Variants in PRDM6 observed in about 807,000 individuals in gnomAD.
PRDM6 encodes the protein putative histone-lysine N-methyltransferase PRDM6.
Under a neutral mutation model 60.8 loss-of-function variants are expected in PRDM6, and 25 were observed. That is an observed-to-expected ratio of 0.41 (90% CI 0.30 to 0.57). The LOEUF (loss-of-function observed/expected upper bound fraction) is 0.57. Ranked by LOEUF, PRDM6 falls within the 20% of genes least tolerant of loss-of-function variation. The pLI, the probability that PRDM6 is intolerant of heterozygous loss-of-function variation, is 0.27. For missense variants in PRDM6, 839 were observed against 821.3 expected (o/e 1.02, Z -0.26); for synonymous variants, 407 against 357.4 (o/e 1.14, Z -1.57).
At chr5:123,103,400 T>G (rs2150209475) in intron 3 of PRDM6, among the ~76,000 whole-genome samples, 1 of 152,196 alleles carries the variant, frequency 6.6e-6, no homozygotes, top group African/African-American at 2.4e-5. Context: ...TGACTTGCCT[T>G]GGTTATATAT....
At chr5:123,144,398 A>C (rs185655552) in intron 3 of PRDM6, among the ~76,000 whole-genome samples, 1 of 152,334 alleles carries the variant, frequency 6.6e-6, no homozygotes, top group African/African-American at 2.4e-5. Context: ...TCAAAGTGCA[A>C]ATATTCTTTT....
intron 7 of PRDM6, among the ~76,000 whole-genome samples, chr5:123,183,812 T>C (rs1766221266): frequency 6.6e-6 from 1 of 152,188 alleles, no homozygotes; most frequent in African/African-American, 2.4e-5. Flanking sequence ...CCTTCCTCCT[T>C]CTTACTAAAC....
Position 123,099,553 on chromosome 5 carries a change from G to A in PRDM6, c.593-101G>A. 9.0e-7 allele frequency: 1 copy of A among 1,114,430 alleles called. No individual in the cohort carries two copies. The allele number at this position is 1,114,430 out of a possible 1,614,324, so 69.0% of individuals were successfully genotyped here. A position where few individuals can be genotyped will look rare whatever the true frequency, so the allele number is the denominator to read the frequency against. ...TTCCTCGAAGGTGGCTTACCCAGGCGGGCGGTGATGCTGTTGTCTCGGGAG... is the reference window on the plus strand; with the variant it reads ...TTCCTCGAAGGTGGCTTACCCAGGCAGGCGGTGATGCTGTTGTCTCGGGAG... On this transcript the variant is annotated intron_variant, in intron 2 of 7. Coordinates refer to ENST00000407847, the MANE Select transcript of PRDM6 (RefSeq NM_001136239.4). This position sits in a 1 kb window ranked among gnomAD's most constrained non-coding sequence, Gnocchi z 4.0.
chr5:123,108,386 C>G (rs1023518402), intron 3 of PRDM6, among the ~76,000 whole-genome samples: 1 of 152,084 alleles, frequency 6.6e-6, no homozygotes, highest in Non-Finnish European at 1.5e-5. Flanking sequence ...TAATGTTTAT[C>G]ACAAAAGAAC....
intron 7 of PRDM6, among the ~76,000 whole-genome samples, chr5:123,184,023 GA>G (rs1313454831): frequency 6.6e-6 from 1 of 152,040 alleles, no homozygotes; most frequent in Admixed American, 6.5e-5. Context: ...GGCTCATGAT[GA>G]AAAAAATCAA....
chr5:123,107,236 A>G (rs1304644961), intron 3 of PRDM6, among the ~76,000 whole-genome samples: 1 of 152,180 alleles, frequency 6.6e-6, no homozygotes, highest in African/African-American at 2.4e-5. Context: ...GCACCTGTAA[A>G]TATTTGTTTG....
intron 3 of PRDM6, among the ~76,000 whole-genome samples, chr5:123,133,604 A>G (rs532563382): frequency 6.6e-6 from 1 of 152,192 alleles, no homozygotes; most frequent in African/African-American, 2.4e-5. Flanking sequence ...AATACAACCA[A>G]TAGTGTGTTT....
chr5:123,188,721 C>A lies in PRDM6; in HGVS notation c.*1520C>A, dbSNP rs1054615053. ...GTCTTCCCTCAATAAAAATGAGACA[C>A]ATAACTGAACTCACTACTAAAAGGC... On this transcript the variant is annotated 3_prime_UTR_variant, in exon 8 of 8. Coordinates refer to ENST00000407847, the MANE Select transcript of PRDM6 (RefSeq NM_001136239.4). The A allele has an allele frequency of 6.6e-6, 1 of 152,190 alleles. No homozygotes were observed. The highest frequency in any genetic ancestry group is 1.9e-4 in the East Asian group (1 of 5,194). 9.4% of individuals were successfully genotyped at this position (152,190 alleles called of 1,614,324 possible). A position where few individuals can be genotyped will look rare whatever the true frequency, so the allele number is the denominator to read the frequency against.
At chr5:123,133,701 A>G (rs1234096300) in intron 3 of PRDM6, among the ~76,000 whole-genome samples, 1 of 152,026 alleles carries the variant, frequency 6.6e-6, no homozygotes, top group African/African-American at 2.4e-5. Context: ...AGCTGAAAAA[A>G]GTGGGGTGGT....
At chr5:123,148,234 A>G (rs1467664625) in intron 3 of PRDM6, among the ~76,000 whole-genome samples, 1 of 152,266 alleles carries the variant, frequency 6.6e-6, no homozygotes, top group African/African-American at 2.4e-5. Context: ...GACAAAGTAC[A>G]GTATATAGCT....
At chr5:123,113,025 G>C (rs1203690603) in intron 3 of PRDM6, among the ~76,000 whole-genome samples, 1 of 151,996 alleles carries the variant, frequency 6.6e-6, no homozygotes, top group Non-Finnish European at 1.5e-5. Flanking sequence ...AATATTAATA[G>C]ACATTATGTT....
intron 7 of PRDM6, among the ~76,000 whole-genome samples, chr5:123,182,505 A>C (rs1766188120): frequency 6.6e-6 from 1 of 152,234 alleles, no homozygotes; most frequent in Non-Finnish European, 1.5e-5. Context: ...AAAATGGGAA[A>C]TAGATTTCTA....
At chr5:123,181,803 G>A (rs981593065) in intron 7 of PRDM6, among the ~76,000 whole-genome samples, 1 of 152,156 alleles carries the variant, frequency 6.6e-6, no homozygotes, top group Non-Finnish European at 1.5e-5. Context: ...CTCAGCCTGA[G>A]GCCAGGCTCA....
intron 3 of PRDM6, among the ~76,000 whole-genome samples, chr5:123,140,987 A>G (rs1488590563): frequency 6.6e-6 from 1 of 152,054 alleles, no homozygotes; most frequent in Admixed American, 6.6e-5. Flanking sequence ...AAAGTCAATT[A>G]TTTTTTAGAG....
At chr5:123,157,804 CTTGA>C (rs1294580021) in intron 4 of PRDM6, among the ~76,000 whole-genome samples, 2 of 152,218 alleles carry the variant, frequency 1.3e-5, no homozygotes, top group Non-Finnish European at 2.9e-5. Context: ...TCAAAGCACA[CTTGA>C]TTGATTGACC....
Position 123,170,759 on chromosome 5 carries a change from C to T in PRDM6, c.1154-7C>T. 1.3e-6 allele frequency: 2 copies of T among 1,534,104 alleles called. No individual in the cohort carries two copies. Among genetic ancestry groups the T allele is most frequent in the Non-Finnish European group, 1.8e-6 (2 of 1,134,342 alleles). ...ACTGTTCTTCTAAACTGTTGCTATT[C>T]TCCTAGTAAATGTCCCTTCAACGGT... On this transcript the variant is annotated splice_polypyrimidine_tract_variant and splice_region_variant and intron_variant, in intron 5 of 7. Coordinates refer to ENST00000407847, the MANE Select transcript of PRDM6 (RefSeq NM_001136239.4).
chr5:123,148,368 A>T (rs1019462618), intron 3 of PRDM6, among the ~76,000 whole-genome samples: 9 of 152,208 alleles, frequency 5.9e-5, no homozygotes, highest in Non-Finnish European at 1.3e-4. Context: ...AGACATTCCA[A>T]AATATTCCAG....
At chr5:123,142,891 AAAAAAAAAAAAC>A (rs1765141572) in intron 3 of PRDM6, among the ~76,000 whole-genome samples, 11 of 149,236 alleles carry the variant, frequency 7.4e-5, no homozygotes, top group Non-Finnish European at 1.2e-4. Flanking sequence ...AAAAAAAAAA[AAAAAAAAAAAAC>A]AAACAAACCA....
chr5:123,168,126 T>G (rs547338432), intron 5 of PRDM6, among the ~76,000 whole-genome samples: 3 of 152,358 alleles, frequency 2.0e-5, no homozygotes, highest in African/African-American at 7.2e-5. Context: ...ATAATATATT[T>G]TTTAAGTGTA....
Sources: allele counts gnomAD v4.1 joint callset (sites outside exome capture counted in the v4.1 genomes callset), GRCh38; gene constraint gnomAD v4.1.1; non-coding constraint Gnocchi (gnomAD v3.1); transcripts MANE v1.5; gene names NCBI Gene and HGNC (gene_info 2026-07-23, HGNC 2026-07-21).